TRHDE: variants seen among roughly 807,000 people sequenced by gnomAD.
TRHDE encodes the protein thyrotropin-releasing hormone-degrading ectoenzyme.
TRHDE carries 72 observed loss-of-function variants against 125.7 expected under a neutral mutation model. That is an observed-to-expected ratio of 0.57 (90% CI 0.47 to 0.70). The LOEUF (loss-of-function observed/expected upper bound fraction) is 0.70, where lower values mean the gene tolerates loss of function less well. Among genes scored for constraint, TRHDE ranks in the 30% least tolerant of loss-of-function variants. TRHDE has a pLI of 0.00. For synonymous variants in TRHDE, 509 were observed against 509.1 expected (o/e 1.00, Z 0.00); for missense variants, 1,110 against 1,327.1 (o/e 0.84, Z 2.54).
At chr12:72,224,082 C>CCA (rs1878055895) in intron 2 of TRHDE, among the ~76,000 whole-genome samples, 5 of 37,624 alleles carry the variant, frequency 1.3e-4, no homozygotes, top group African/African-American at 5.3e-4. Context: ...ATCTATCCAT[C>CCA]TATCTATCCA....
chr12:72,639,690 TC>T (rs1873948849), intron 15 of TRHDE, among the ~76,000 whole-genome samples: 1 of 151,904 alleles, frequency 6.6e-6, no homozygotes, highest in Non-Finnish European at 1.5e-5. Context: ...GGTGTGGATG[TC>T]CTTTCTGTTT....
At chr12:72,097,335 A>G (rs916457203) in intron 1 of TRHDE, among the ~76,000 whole-genome samples, 1 of 152,008 alleles carries the variant, frequency 6.6e-6, no homozygotes, top group Non-Finnish European at 1.5e-5. Context: ...GTCACCTCAT[A>G]ATTTTAGAAA....
At chr12:72,601,445 T>C (rs895168312) in intron 12 of TRHDE, among the ~76,000 whole-genome samples, 1 of 152,110 alleles carries the variant, frequency 6.6e-6, no homozygotes, top group South Asian at 2.1e-4. Context: ...TTATATAAAC[T>C]TACTTGCTAT....
intron 10 of TRHDE, among the ~76,000 whole-genome samples, chr12:72,572,311 C>A (rs562048075): frequency 6.6e-6 from 1 of 152,142 alleles, no homozygotes; most frequent in East Asian, 1.9e-4. Flanking sequence ...AATATAAAAT[C>A]TTATAAAATA....
At position 72,377,023 on chromosome 12, in the gene TRHDE, G is replaced by T. The variant is rs1871917695; in HGVS notation, c.1189-972G>T. On this transcript the variant is annotated intron_variant, in intron 2 of 18. Transcript: ENST00000261180. Reference sequence around the variant, plus strand: ...TAAATGAGAGTGTTTGAGACCCAAAGAAATTAAGTAATTTGTTCAATATCA... The same window carrying T: ...TAAATGAGAGTGTTTGAGACCCAAATAAATTAAGTAATTTGTTCAATATCA... 1.3e-5 allele frequency among the ~76,000 whole-genome samples: 2 copies of T among 152,130 alleles called. 1 individual carries two copies. Among genetic ancestry groups the T allele is most frequent in the South Asian group, 4.1e-4 (2 of 4,828 alleles).
chr12:72,647,009 A>C (rs1278675535), intron 15 of TRHDE, among the ~76,000 whole-genome samples: 3 of 152,072 alleles, frequency 2.0e-5, no homozygotes, highest in African/African-American at 7.2e-5. Context: ...ACCGTCCGAC[A>C]ACAGAATATA....
At chr12:72,096,131 G>A (rs1238114611) in intron 1 of TRHDE, among the ~76,000 whole-genome samples, 3 of 31,906 alleles carry the variant, frequency 9.4e-5, no homozygotes, top group African/African-American at 2.8e-4. Context: ...TTTCTTATGT[G>A]TATACACACA....
intron 2 of TRHDE, among the ~76,000 whole-genome samples, chr12:72,202,166 G>A (rs599487): frequency 1.3e-5 from 2 of 152,152 alleles, no homozygotes; most frequent in Admixed American, 1.3e-4. Context: ...GTAGGTCTTA[G>A]ATGTGCCTGG....
At chr12:72,354,416 A>G (rs536422353) in intron 2 of TRHDE, among the ~76,000 whole-genome samples, 2 of 151,484 alleles carry the variant, frequency 1.3e-5, no homozygotes, top group South Asian at 4.2e-4. Flanking sequence ...GACCACTGGT[A>G]AAAGTATAGC....
chr12:72,367,476 G>A (rs1871387227), intron 2 of TRHDE, among the ~76,000 whole-genome samples: 2 of 151,956 alleles, frequency 1.3e-5, no homozygotes, highest in Non-Finnish European at 2.9e-5. Context: ...TCTTGAATGT[G>A]AATCTGGGCA....
chr12:72,432,534 C>T (rs756437159), intron 3 of TRHDE, among the ~76,000 whole-genome samples: 3 of 152,086 alleles, frequency 2.0e-5, no homozygotes, highest in African/African-American at 7.2e-5. Context: ...CTATTCTCCC[C>T]GGGGTCTGCA....
At chr12:72,443,030 T>A (rs1875093762) in intron 3 of TRHDE, among the ~76,000 whole-genome samples, 1 of 151,830 alleles carries the variant, frequency 6.6e-6, no homozygotes, top group South Asian at 2.1e-4. Flanking sequence ...TTCCCCTTGC[T>A]CCTAGAATAA....
intron 2 of TRHDE, among the ~76,000 whole-genome samples, chr12:72,115,972 A>C (rs1234633358): frequency 6.6e-6 from 1 of 151,998 alleles, no homozygotes; most frequent in East Asian, 1.9e-4. Flanking sequence ...TAAGCTCTGC[A>C]TGCATTAGGT....
rs775463251 is a variant in TRHDE, at chr12:72,272,742, G to GGAA, written c.100_101insAAG (p.Glu33dup). 6.9e-5 allele frequency: 103 copies of GGAA among 1,501,640 alleles called. No homozygotes were observed. Among genetic ancestry groups the GGAA allele is most frequent in the Non-Finnish European group, 9.0e-5 (101 of 1,127,272 alleles). The allele number at this position is 1,501,640 out of a possible 1,614,324, so 93.0% of individuals were successfully genotyped here. On this transcript the variant is annotated inframe_insertion, in exon 1 of 19. Coordinates refer to ENST00000261180, the MANE Select transcript of TRHDE (RefSeq NM_013381.3). The surrounding 1 kb of genome is among the most constrained non-coding windows in gnomAD (Gnocchi z 6.7). The stretch of plus-strand genomic sequence containing the variant: ...AGAAGGAGGAGGAGGAGGAGGAGGA[G>GGAA]GGGGCCGAGAAGAGCAGCTCACCCT...
intron 6 of TRHDE, among the ~76,000 whole-genome samples, chr12:72,507,950 TGG>T (rs1878426578): frequency 6.6e-6 from 1 of 152,218 alleles, no homozygotes; most frequent in Non-Finnish European, 1.5e-5. Flanking sequence ...AGGTATAGCT[TGG>T]GTCATAGCTT....
In TRHDE at chr12:72,669,641, C is replaced by A. The variant is rs1345651672; in HGVS notation, c.*6446C>A. 2.6e-5 allele frequency: 4 copies of A among 151,676 alleles called. No individual in the cohort carries two copies. The highest frequency in any genetic ancestry group is 9.7e-5 in the African/African-American group (4 of 41,376). 9.4% of individuals were successfully genotyped at this position (151,676 alleles called of 1,614,324 possible). On this transcript the variant is annotated 3_prime_UTR_variant, in exon 19 of 19. Transcript: ENST00000261180. Reference sequence around the variant, plus strand: ...GTTCCCACCTTTACATAGCGTATGACCTACTCAGTGAGAACATTCATTATT... The same window carrying A: ...GTTCCCACCTTTACATAGCGTATGAACTACTCAGTGAGAACATTCATTATT...
chr12:72,147,451 A>T (rs1288653258), intron 2 of TRHDE: 1 of 152,190 alleles, frequency 6.6e-6, no homozygotes, highest in Non-Finnish European at 1.5e-5. Context: ...AGTTTACCTA[A>T]AGGAATATGA....
chr12:72,129,556 A>G (rs1875813376), intron 2 of TRHDE, among the ~76,000 whole-genome samples: 1 of 152,250 alleles, frequency 6.6e-6, no homozygotes, highest in East Asian at 1.9e-4. Flanking sequence ...CTGGATAACA[A>G]AAGTTCTTTG....
At chr12:72,129,234 A>G (rs1000871890) in intron 2 of TRHDE, among the ~76,000 whole-genome samples, 3 of 152,232 alleles carry the variant, frequency 2.0e-5, no homozygotes, top group African/African-American at 4.8e-5. Context: ...ATTTATCACC[A>G]GCAGACCTGC....
Sources: gnomAD v4.1 joint callset for allele counts (sites outside exome capture counted in the v4.1 genomes callset) on GRCh38, gnomAD v4.1.1 for gene constraint, Gnocchi (gnomAD v3.1) non-coding constraint, MANE v1.5 for transcripts, NCBI Gene and HGNC (gene_info 2026-07-23, HGNC 2026-07-21) for gene names.